OPCML: variants seen among roughly 807,000 people sequenced by gnomAD.
OPCML encodes the protein opioid-binding protein/cell adhesion molecule.
In OPCML, 13 loss-of-function variants were observed where a neutral mutation model predicts 37.8. The ratio of observed to expected loss-of-function variants is 0.34; its 90% CI spans 0.22 to 0.55. OPCML has a LOEUF of 0.55. OPCML is among the 20% of genes least tolerant of loss of function. The pLI is 0.91. For synonymous variants in OPCML, 176 were observed against 168.8 expected, an observed-to-expected ratio of 1.04 and a Z score of -0.33; for missense variants, 341 against 435.6, an observed-to-expected ratio of 0.78 and a Z score of 1.93.
At chr11:133,079,379 T>G (rs146667768) in intron 1 of OPCML, among the ~76,000 whole-genome samples, 1 of 152,166 alleles carries the variant, frequency 6.6e-6, no homozygotes, top group African/African-American at 2.4e-5. Context: ...ACCCACATTT[T>G]TGATGGGCAG....
At chr11:133,481,128 T>G (rs961706207) in intron 1 of OPCML, among the ~76,000 whole-genome samples, 1 of 152,208 alleles carries the variant, frequency 6.6e-6, no homozygotes, top group Admixed American at 6.5e-5. Flanking sequence ...CATATATGAC[T>G]GTGAAGTTGT....
At chr11:132,642,784 A>T (rs961031022) in intron 3 of OPCML, among the ~76,000 whole-genome samples, 17 of 152,218 alleles carry the variant, frequency 1.1e-4, no homozygotes, top group African/African-American at 4.1e-4. Flanking sequence ...GGTTGAGTAA[A>T]TCATTTCAGG....
At chr11:132,698,256 C>T (rs529381527) in intron 2 of OPCML, among the ~76,000 whole-genome samples, 1 of 152,172 alleles carries the variant, frequency 6.6e-6, no homozygotes, top group East Asian at 1.9e-4. Flanking sequence ...TTCAAATTTC[C>T]ACCAACAGTG....
At chr11:133,198,933 A>G (rs1469446499) in intron 1 of OPCML, among the ~76,000 whole-genome samples, 3 of 152,274 alleles carry the variant, frequency 2.0e-5, no homozygotes, top group Non-Finnish European at 4.4e-5. Flanking sequence ...ATCTTAAAAT[A>G]GTTTATTTGG....
At chr11:132,827,062 G>T (rs1338516269) in intron 2 of OPCML, among the ~76,000 whole-genome samples, 1 of 152,076 alleles carries the variant, frequency 6.6e-6, no homozygotes, top group Non-Finnish European at 1.5e-5. Context: ...TTCCATGGTT[G>T]TTTCTTTTTA....
At chr11:132,829,667 C>G (rs1270203535) in intron 2 of OPCML, among the ~76,000 whole-genome samples, 1 of 152,172 alleles carries the variant, frequency 6.6e-6, no homozygotes, top group Non-Finnish European at 1.5e-5. Flanking sequence ...CCAATGGGAT[C>G]CTTCATTTCT....
At chr11:133,181,876 G>A (rs1184370157) in intron 1 of OPCML, among the ~76,000 whole-genome samples, 2 of 152,146 alleles carry the variant, frequency 1.3e-5, no homozygotes, top group African/African-American at 2.4e-5. Context: ...CCGATGCTGA[G>A]TCCCTCCTCC....
chr11:133,169,853 A>G (rs1428472795), intron 1 of OPCML, among the ~76,000 whole-genome samples: 3 of 152,200 alleles, frequency 2.0e-5, no homozygotes, highest in Non-Finnish European at 2.9e-5. Context: ...TCATATTATA[A>G]TTTTATATTT....
intron 1 of OPCML, among the ~76,000 whole-genome samples, chr11:133,125,222 C>CT (rs1949482486): frequency 6.6e-6 from 1 of 152,130 alleles, no homozygotes; most frequent in South Asian, 2.1e-4. Flanking sequence ...ATTATATAGA[C>CT]TTGCATCCAT....
At chr11:132,981,413 G>T (rs770956034) in intron 1 of OPCML, among the ~76,000 whole-genome samples, 13 of 152,176 alleles carry the variant, frequency 8.5e-5, no homozygotes, top group Non-Finnish European at 1.9e-4. Context: ...GTCGATGGAG[G>T]GGGAGGCTGT....
At chr11:132,654,640 T>A (rs913965899) in intron 3 of OPCML, among the ~76,000 whole-genome samples, 1 of 148,556 alleles carries the variant, frequency 6.7e-6, no homozygotes, top group Non-Finnish European at 1.5e-5. Flanking sequence ...CAAGAGAACA[T>A]CATCTCCAAG....
chr11:132,790,034 G>C (rs1937790326), intron 2 of OPCML, among the ~76,000 whole-genome samples: 1 of 152,126 alleles, frequency 6.6e-6, no homozygotes, highest in Admixed American at 6.5e-5. Context: ...CAATATGGAA[G>C]TTTCTCAAAA....
chr11:133,091,507 G>C (rs1333167859), intron 1 of OPCML, among the ~76,000 whole-genome samples: 1 of 152,238 alleles, frequency 6.6e-6, no homozygotes, highest in Non-Finnish European at 1.5e-5. Context: ...GAGGCTTCCT[G>C]AGGCCATGGG....
intron 1 of OPCML, among the ~76,000 whole-genome samples, chr11:133,374,036 T>C (rs1251516499): frequency 7.2e-5 from 11 of 152,216 alleles, no homozygotes; most frequent in African/African-American, 2.7e-4. Context: ...AAAAAATGTC[T>C]ATTAAAAACT....
intron 1 of OPCML, chr11:133,007,004 T>C (rs2136864413): frequency 2.0e-6 from 2 of 985,450 alleles, no homozygotes; most frequent in Non-Finnish European, 2.4e-6. Flanking sequence ...AGCAATCATA[T>C]TCACTTAATT....
chr11:133,389,717 G>A (rs1945128390), intron 1 of OPCML, among the ~76,000 whole-genome samples: 1 of 152,168 alleles, frequency 6.6e-6, no homozygotes, highest in African/African-American at 2.4e-5. Context: ...TCCAGATACT[G>A]TTCAGGGGAC....
At position 133,103,537 on chromosome 11, in the gene OPCML, C is replaced by T. The variant is rs143837363; in HGVS notation, c.62-160527G>A. On this transcript the variant is annotated intron_variant, in intron 1 of 7. Coordinates refer to ENST00000524381, the MANE Select transcript of OPCML (RefSeq NM_001012393.5). ...TGGATTAGAATAAAACAAAATGTGA[C>T]AGGAAAAAATTACAAGGTGAAAAGC... 3.8e-4 allele frequency among the ~76,000 whole-genome samples: 58 copies of T among 152,218 alleles called. No individual in the cohort carries two copies. In the East Asian group the frequency reaches 0.011, roughly 29 times the overall value.
chr11:133,514,035 G>T (rs548848247), intron 1 of OPCML, among the ~76,000 whole-genome samples: 8 of 152,316 alleles, frequency 5.3e-5, no homozygotes, highest in Non-Finnish European at 8.8e-5. Flanking sequence ...CTGCCACAGA[G>T]AATTGGAGAG....
At chr11:132,640,864 G>T (rs893034028) in intron 3 of OPCML, among the ~76,000 whole-genome samples, 8 of 152,154 alleles carry the variant, frequency 5.3e-5, no homozygotes, top group Non-Finnish European at 1.0e-4. Flanking sequence ...CAGGGAGAGG[G>T]TGGGGATCGC....
Sources: gnomAD v4.1 joint callset for allele counts (sites outside exome capture counted in the v4.1 genomes callset) on GRCh38, gnomAD v4.1.1 for gene constraint, MANE v1.5 for transcripts, NCBI Gene and HGNC (gene_info 2026-07-23, HGNC 2026-07-21) for gene names.